POLM: variants seen among roughly 807,000 people sequenced by gnomAD.
POLM encodes the protein DNA polymerase mu.
A neutral mutation model predicts 56.7 loss-of-function variants in POLM; 52 were observed. The observed-to-expected ratio is 0.92, with a 90% CI of 0.73 to 1.15. The LOEUF (loss-of-function observed/expected upper bound fraction) is 1.15. Ranked by LOEUF, POLM falls within the 50% of genes most tolerant of loss-of-function variation. POLM has a pLI of 0.00. For missense variants in POLM, 660 were observed against 663.6 expected (o/e 0.99, Z 0.06); for synonymous variants, 273 against 274.3 (o/e 1.00, Z 0.05).
chr7:44,073,044 C>T lies in POLM; in HGVS notation c.*247G>A. On this transcript the variant is annotated 3_prime_UTR_variant, in exon 11 of 11. Coordinates refer to ENST00000242248, the MANE Select transcript of POLM (RefSeq NM_013284.4). ...GGCAGGAACGTGAGCCATGGGGAGG[C>T]TAAGAGCAGACCCAGGGTCACACAG... The T allele has an allele frequency of 7.2e-7, 1 of 1,395,402 alleles. No homozygotes were observed. The highest frequency in any genetic ancestry group is 9.4e-7 in the Non-Finnish European group (1 of 1,064,008). The allele number at this position is 1,395,402 out of a possible 1,614,324, so 86.4% of individuals were successfully genotyped here.
Position 44,078,741 on chromosome 7 carries a change from T to C in POLM, c.713A>G (p.Lys238Arg). The change falls in exon 5 of 11, where the codon AAG becomes AGG. Residue 238 changes from lysine (K) to arginine (R), a missense_variant and splice_region_variant. Transcript: ENST00000242248. ...VRRSERYQTM[K>R]LFTQIFGVGV... ...AGGTCCGAGCCCTGCCCTGCGCACC[T>C]TCATGGTCTGGTACCTCTCTGAGCG... 1 of 1,613,690 alleles carries C rather than the reference T, an allele frequency of 6.2e-7. No individual in the cohort carries two copies. Among genetic ancestry groups the C allele is most frequent in the Middle Eastern group, 1.7e-4 (1 of 6,060 alleles).
rs371557728 is a variant in POLM at position 44,079,861 on chromosome 7, G to T, written c.471C>A (p.Ser157=). The change falls in exon 3 of 11, where the codon TCC becomes TCA. Residue 157 remains serine (S), a splice_region_variant and synonymous_variant. Transcript: ENST00000242248. Reference sequence around the variant, plus strand: ...GCCAAGGCTCATAGAAGCGGCTTACGGAGAGGCCAGTGTTGTGGTGTGTGA... The same window carrying T: ...GCCAAGGCTCATAGAAGCGGCTTACTGAGAGGCCAGTGTTGTGGTGTGTGA... ...TPLTHHNTGL[S]EALEILAEAA... is the part of the protein sequence containing the mutation. 23 of 1,613,884 alleles carry T rather than the reference G, an allele frequency of 1.4e-5. No homozygotes were observed. Among genetic ancestry groups the T allele is most frequent in the Non-Finnish European group, 1.9e-5 (23 of 1,179,868 alleles).
At chr7:44,075,827 C>T (rs2096181989) in intron 6 of POLM, 2 of 151,820 alleles carry the variant, frequency 1.3e-5, no homozygotes, top group African/African-American at 4.9e-5. Flanking sequence ...AAGGCTTGAC[C>T]TCCCGGGCTC....
chr7:44,074,587 C>A, intron 6 of POLM, 57 bp from the exon 7 acceptor site: 1 of 1,481,984 alleles, frequency 6.7e-7, no homozygotes. Context: ...ACCGAGCCCC[C>A]ATCCCTCACC....
intron 2 of POLM, 32 bp from the exon 3 acceptor site, chr7:44,079,991 G>A (rs1247998814): frequency 6.7e-7 from 1 of 1,482,596 alleles, no homozygotes; most frequent in Non-Finnish European, 9.4e-7. Flanking sequence ...GTCACTGTGA[G>A]GCTGCAGGGC....
At chr7:44,075,526 C>T (rs1252503423) in intron 6 of POLM, among the ~76,000 whole-genome samples, 4 of 152,134 alleles carry the variant, frequency 2.6e-5, no homozygotes, top group African/African-American at 9.7e-5. Context: ...GGAAGATGTG[C>T]GAAGAGGCAG....
In POLM at chr7:44,078,902, G is replaced by A. The variant is rs540208422; in HGVS notation, c.643-91C>T. 83 of 1,009,816 alleles carry A rather than the reference G, an allele frequency of 8.2e-5. 1 individual carries two copies. The South Asian group carries it at 1.1e-3, about 13-fold the overall frequency. The allele number at this position is 1,009,816 out of a possible 1,614,324, so 62.6% of individuals were successfully genotyped here. A position where few individuals can be genotyped will look rare whatever the true frequency, so the allele number is the denominator to read the frequency against. ...TTAGGGTCAGGGCTGGGGGCCCAAG[G>A]ACTGAGGCAGTCCCCTCCAACACCC... On this transcript the variant is annotated intron_variant, in intron 4 of 10. Coordinates refer to ENST00000242248, the MANE Select transcript of POLM (RefSeq NM_013284.4).
chr7:44,077,436 A>G (rs2096186848), intron 5 of POLM, among the ~76,000 whole-genome samples: 1 of 152,166 alleles, frequency 6.6e-6, no homozygotes, highest in South Asian at 2.1e-4. Flanking sequence ...TTGTGAACCA[A>G]CGGTGTGGGG....
chr7:44,081,988 G>T (rs2096201414), intron 1 of POLM, among the ~76,000 whole-genome samples: 1 of 152,060 alleles, frequency 6.6e-6, no homozygotes, highest in African/African-American at 2.4e-5. Flanking sequence ...CTCGTGATCT[G>T]CCCGCCTCGG....
At chr7:44,080,259 C>T (rs1001494849) in intron 2 of POLM, 11 of 521,246 alleles carry the variant, frequency 2.1e-5, no homozygotes, top group South Asian at 6.9e-5. Flanking sequence ...CACAACCAAG[C>T]GGGCTGGGGA....
rs754904576 is a variant in POLM, at chr7:44,079,653, T to C, written c.560A>G (p.Lys187Arg). 5 of 1,613,768 alleles carry C rather than the reference T, an allele frequency of 3.1e-6. No homozygotes were observed. The highest frequency in any genetic ancestry group is 3.4e-6 in the Non-Finnish European group (4 of 1,179,902). The part of the protein sequence containing the change: ...LTFCRAASVL[K>R]ALPSPVTTLS... Reference sequence around the variant, plus strand: ...GGTTGTGACAGGGCTGGGAAGGGCCTTGAGCACCGAGGCTGCTCTGCAGAA... The same window carrying C: ...GGTTGTGACAGGGCTGGGAAGGGCCCTGAGCACCGAGGCTGCTCTGCAGAA... Residue 187 changes from lysine (K) to arginine (R), a missense_variant, in exon 4 of 11, where the codon AAG becomes AGG. Coordinates refer to ENST00000242248, the MANE Select transcript of POLM (RefSeq NM_013284.4).
chr7:44,077,522 C>G (rs931818499), intron 5 of POLM, among the ~76,000 whole-genome samples: 2 of 152,190 alleles, frequency 1.3e-5, no homozygotes, highest in African/African-American at 4.8e-5. Context: ...TGTTAATAAA[C>G]TTCTCATTAC....
rs781053040 is a variant in POLM, at chr7:44,078,371, T to C, written c.714+369A>G. The C allele has an allele frequency of 1.3e-4, 29 of 218,764 alleles. 1 individual carries two copies. Among genetic ancestry groups the C allele is most frequent in the Non-Finnish European group, 2.0e-4 (22 of 107,692 alleles). 13.6% of individuals were successfully genotyped at this position (218,764 alleles called of 1,614,324 possible). ...GTCCCAGCTACTCCAGAGACTGAGG[T>C]GGGAGGATGGTTTGAGCCCAGGAAG... On this transcript the variant is annotated intron_variant, in intron 5 of 10. Coordinates refer to ENST00000242248, the MANE Select transcript of POLM (RefSeq NM_013284.4).
chr7:44,080,842 G>A lies in POLM; in HGVS notation c.263C>T (p.Ala88Val). The A allele has an allele frequency of 6.2e-7, 1 of 1,611,438 alleles. No individual in the cohort carries two copies. The highest frequency in any genetic ancestry group is 8.5e-7 in the Non-Finnish European group (1 of 1,178,750). Residue 88 changes from alanine to valine, a missense_variant, in exon 2 of 11, where the codon GCA becomes GTA. Physicochemically the swap from Ala to Val is moderately conservative, Grantham distance 64. Coordinates refer to ENST00000242248, the MANE Select transcript of POLM (RefSeq NM_013284.4). The stretch of plus-strand genomic sequence containing the variant: ...GGGGGTGCAACCCGGGGGAGCAGCT[G>A]CCATCCTGCGCTCCTGCCAGCTGAC... ...EAVSWQERRM[A>V]AAPPGCTPPA...
At chr7:44,080,045 G>T in intron 2 of POLM, 86 bp from the exon 3 acceptor site, 1 of 979,606 alleles carries the variant, frequency 1.0e-6, no homozygotes, top group Non-Finnish European at 1.6e-6. Flanking sequence ...TTCTCCTGGG[G>T]TGTCCAACTC....
At position 44,073,840 on chromosome 7, in the gene POLM, C is replaced by G; in HGVS notation, c.1257G>C (p.Leu419Phe). 1 of 1,614,268 alleles carries G rather than the reference C, an allele frequency of 6.2e-7. No homozygotes were observed. Among genetic ancestry groups the G allele is most frequent in the Non-Finnish European group, 8.5e-7 (1 of 1,180,048 alleles). Residue 419 changes from leucine (L) to phenylalanine (F), a missense_variant, in exon 9 of 11, where the codon TTG (leucine) becomes TTC (phenylalanine). Physicochemically the swap from Leu to Phe is conservative, Grantham distance 22 (BLOSUM62 0). Transcript: ENST00000242248. The part of the protein sequence containing the change: ...CPSWKAVRVD[L>F]VVAPVSQFPF... ...GGAACTGGCTGACGGGTGCAACTAC[C>G]AAGTCCACTCTCACGGCCTTCCAGG...
chr7:44,075,727 T>C (rs566273586), intron 6 of POLM: 1 of 151,624 alleles, frequency 6.6e-6, no homozygotes, highest in African/African-American at 2.4e-5. Flanking sequence ...CCTTTTTTTT[T>C]TTTTTTTTTT....
chr7:44,079,963 G>A lies in POLM; in HGVS notation c.373-4C>T. 12 of 1,600,106 alleles carry A rather than the reference G, an allele frequency of 7.5e-6. No individual in the cohort carries two copies. Among genetic ancestry groups the A allele is most frequent in the Non-Finnish European group, 1.0e-5 (12 of 1,168,380 alleles). The stretch of plus-strand genomic sequence containing the variant: ...GCCCCTTCCTTGGCCCAGCCACCTG[G>A]GGATGGGCAATAAACAGGTCACTGT... On this transcript the variant is annotated splice_polypyrimidine_tract_variant and splice_region_variant and intron_variant, in intron 2 of 10. Transcript: ENST00000242248.
intron 5 of POLM, among the ~76,000 whole-genome samples, chr7:44,077,470 A>G (rs983551622): frequency 2.0e-5 from 3 of 152,192 alleles, no homozygotes; most frequent in Non-Finnish European, 2.9e-5. Flanking sequence ...CTTGCAACCC[A>G]AAGAATCCTG....
Sources: gnomAD v4.1 joint callset for allele counts (sites outside exome capture counted in the v4.1 genomes callset) on GRCh38, gnomAD v4.1.1 for gene constraint, MANE v1.5 for transcripts, NCBI Gene and HGNC (gene_info 2026-07-23, HGNC 2026-07-21) for gene names.